The following ZNF678 variants were observed in gnomAD, a reference collection of about 807,000 sequenced individuals.
ZNF678 encodes zinc finger protein 678, also known as hypothetical protein MGC42493.
ZNF678 carries 5 observed loss-of-function variants against 3.0 expected under a neutral mutation model. That is an observed-to-expected ratio of 1.69 (90% CI 0.88 to 3.56). The LOEUF is 3.56. Ranked by LOEUF, ZNF678 falls within the 30% of genes most tolerant of loss-of-function variation. The pLI is 0.00. For missense variants in ZNF678, 593 were observed against 605.0 expected (o/e 0.98, Z 0.21); for synonymous variants, 218 against 199.6 (o/e 1.09, Z -0.78).
rs964114365 is a variant in ZNF678 at position 227,564,846 on chromosome 1, C to G, written c.-164+1122C>G. 1.2e-4 allele frequency among the ~76,000 whole-genome samples: 18 copies of G among 152,076 alleles called. No homozygotes were observed. The East Asian group carries it at 3.1e-3, about 26-fold the overall frequency. ...TCCCGGGTTCAAGCGATTCTCCTGC[C>G]TCAGCCTCCTGAGTAGCTGGGATTA... On this transcript the variant is annotated intron_variant, in intron 1 of 3. Transcript: ENST00000343776.
Position 227,654,827 on chromosome 1 carries a change from T to G in ZNF678, c.577T>G (p.Trp193Gly), listed in dbSNP as rs774006168. 9 of 1,608,662 alleles carry G rather than the reference T, an allele frequency of 5.6e-6. No homozygotes were observed. The highest frequency in any genetic ancestry group is 7.6e-6 in the Non-Finnish European group (9 of 1,179,010). The change falls in exon 4 of 4, where the codon TGG becomes GGG. Residue 193 changes from tryptophan (W) to glycine (G), a missense_variant. Physicochemically the swap from Trp to Gly is radical, Grantham distance 184. Transcript: ENST00000343776. ...CDECDKVFNW[W>G]SQLTSHKKIH... ...TGAATGTGACAAAGTTTTTAATTGG[T>G]GGTCACAACTAACTAGCCATAAGAA...
intron 1 of ZNF678, among the ~76,000 whole-genome samples, chr1:227,601,627 C>T (rs761914428): frequency 6.6e-6 from 1 of 151,922 alleles, no homozygotes; most frequent in African/African-American, 2.4e-5. Context: ...TGCAGTGGTG[C>T]AATCTTGGCT....
intron 5 of ZNF678, among the ~76,000 whole-genome samples, chr1:227,673,645 A>T (rs1394156516): frequency 6.6e-6 from 1 of 152,186 alleles, no homozygotes; most frequent in Non-Finnish European, 1.5e-5. Flanking sequence ...TGTCTCTCTA[A>T]AACTATTCCT....
rs1403586717 is a variant in ZNF678 at position 227,659,503 on chromosome 1, A to T, written c.*3675A>T. The T allele has an allele frequency of 6.6e-6, 1 of 151,956 alleles. No individual in the cohort carries two copies. Among genetic ancestry groups the T allele is most frequent in the Non-Finnish European group, 1.5e-5 (1 of 68,038 alleles). 9.4% of individuals were successfully genotyped at this position (151,956 alleles called of 1,614,324 possible). A position where few individuals can be genotyped will look rare whatever the true frequency, so the allele number is the denominator to read the frequency against. On this transcript the variant is annotated 3_prime_UTR_variant, in exon 4 of 4. Coordinates refer to ENST00000343776, the MANE Select transcript of ZNF678 (RefSeq NM_001367909.1). ...GATCAGCATCAGCACCAGAAACTCCAGGTGTCCCAAACTTAAAGTGAAAGC... is the reference window on the plus strand; with the variant it reads ...GATCAGCATCAGCACCAGAAACTCCTGGTGTCCCAAACTTAAAGTGAAAGC...
At chr1:227,570,533 T>G (rs1423457402) in intron 1 of ZNF678, among the ~76,000 whole-genome samples, 1 of 152,214 alleles carries the variant, frequency 6.6e-6, no homozygotes, top group Non-Finnish European at 1.5e-5. Flanking sequence ...CAAAGCTCAC[T>G]ATACTGTCCA....
rs1659268224 is a variant in ZNF678 at position 227,657,037 on chromosome 1, T to G, written c.*1209T>G. On this transcript the variant is annotated 3_prime_UTR_variant, in exon 4 of 4. Coordinates refer to ENST00000343776, the MANE Select transcript of ZNF678 (RefSeq NM_001367909.1). ...TTTTATGTGATATGCTTTGGTTTTT[T>G]TGTGCCTTACCTCATGTTGAAATGT... 1 of 151,844 alleles carries G rather than the reference T, an allele frequency of 6.6e-6. No homozygotes were observed. Among genetic ancestry groups the G allele is most frequent in the Non-Finnish European group, 1.5e-5 (1 of 67,854 alleles). The allele number at this position is 151,844 out of a possible 1,614,324, so 9.4% of individuals were successfully genotyped here.
chr1:227,580,116 A>G (rs1344039825), intron 1 of ZNF678, among the ~76,000 whole-genome samples: 1 of 152,104 alleles, frequency 6.6e-6, no homozygotes, highest in Admixed American at 6.5e-5. Context: ...TCCTGGAGCT[A>G]TTGTGGTCCA....
At chr1:227,665,833 G>A (rs557022365), downstream of ZNF678, among the ~76,000 whole-genome samples, 4 of 152,152 alleles carry the variant, frequency 2.6e-5, no homozygotes, top group South Asian at 2.1e-4. Context: ...CCAGGGTCCC[G>A]TTATCCTCTA....
At chr1:227,588,205 A>T (rs376515674) in intron 1 of ZNF678, among the ~76,000 whole-genome samples, 155 of 152,258 alleles carry the variant, frequency 1.0e-3, no homozygotes, top group African/African-American at 3.6e-3. Context: ...GTGTGCATGT[A>T]CTATATTTTC....
intron 5 of ZNF678, among the ~76,000 whole-genome samples, chr1:227,676,676 C>G (rs7554130): frequency 7.2e-6 from 1 of 139,716 alleles, no homozygotes; most frequent in African/African-American, 2.6e-5. Context: ...TCCCCCCTCC[C>G]CCTCCCCACA....
intron 1 of ZNF678, among the ~76,000 whole-genome samples, chr1:227,570,755 T>G (rs2102715223): frequency 6.6e-6 from 1 of 152,330 alleles, no homozygotes; most frequent in Admixed American, 6.5e-5. Flanking sequence ...CTCCATACAT[T>G]TCTGCCTTAT....
At chr1:227,671,038 C>T in intron 5 of ZNF678, among the ~76,000 whole-genome samples, 1 of 149,348 alleles carries the variant, frequency 6.7e-6, no homozygotes, top group East Asian at 2.0e-4. Context: ...TGGGAGGCTC[C>T]ATTTGTTAGG....
rs1659191837 is a variant in ZNF678, at chr1:227,655,012, A to G, written c.762A>G (p.Gln254=). 2 of 1,612,038 alleles carry G rather than the reference A, an allele frequency of 1.2e-6. No homozygotes were observed. The highest frequency in any genetic ancestry group is 1.1e-5 in the South Asian group (1 of 90,978). The change falls in exon 4 of 4, where the codon CAA becomes CAG. Residue 254 remains glutamine, a synonymous_variant. Transcript: ENST00000343776. The stretch of plus-strand genomic sequence containing the variant: ...TTAACAAGTTCTCAAACCTTACTCA[A>G]CATAAGAGAATTCATACTGGAGAGA... ...KAFNKFSNLT[Q]HKRIHTGEKP...
chr1:227,570,499 A>G (rs1012167975), intron 1 of ZNF678, among the ~76,000 whole-genome samples: 2 of 152,164 alleles, frequency 1.3e-5, no homozygotes, highest in Non-Finnish European at 2.9e-5. Context: ...GGGTTTTAGC[A>G]CAGTTTCCTA....
chr1:227,571,766 G>A (rs1039400147), intron 1 of ZNF678, among the ~76,000 whole-genome samples: 1 of 152,034 alleles, frequency 6.6e-6, no homozygotes, highest in African/African-American at 2.4e-5. Context: ...CAAAAAGCCG[G>A]GCGCGGTGGC....
chr1:227,678,343 AT>A (rs1659717409), downstream of ZNF678, among the ~76,000 whole-genome samples: 1 of 152,224 alleles, frequency 6.6e-6, no homozygotes, highest in African/African-American at 2.4e-5. Flanking sequence ...ACAAGGATGC[AT>A]GCGGAAGTAA....
At chr1:227,599,121 TTA>T (rs1257712896) in intron 1 of ZNF678, 9 of 1,541,490 alleles carry the variant, frequency 5.8e-6, no homozygotes, top group Non-Finnish European at 7.2e-6. Flanking sequence ...GCTATTGGGT[TTA>T]TATAGGCCAG....
intron 1 of ZNF678, among the ~76,000 whole-genome samples, chr1:227,586,795 G>GTGTT (rs1172279207): frequency 1.3e-5 from 2 of 152,186 alleles, no homozygotes; most frequent in African/African-American, 4.8e-5. Context: ...CAGGCATCAT[G>GTGTT]TGTTTGGTCA....
rs1214712650 is a variant in ZNF678 at position 227,655,403 on chromosome 1, G to A, written c.1153G>A (p.Ala385Thr). 4 of 1,612,512 alleles carry A rather than the reference G, an allele frequency of 2.5e-6. No individual in the cohort carries two copies. The highest frequency in any genetic ancestry group is 2.5e-6 in the Non-Finnish European group (3 of 1,179,280). Residue 385 changes from alanine (A) to threonine (T), a missense_variant, in exon 4 of 4, where the codon GCG becomes ACG. Physicochemically the swap from Ala to Thr is moderately conservative, Grantham distance 58. Coordinates refer to ENST00000343776, the MANE Select transcript of ZNF678 (RefSeq NM_001367909.1). ...CTACAAATGCAAAGAATGTGGCAAAGCGTTTAACAAGTTCTCAAGCCTTAC... is the reference window on the plus strand; with the variant it reads ...CTACAAATGCAAAGAATGTGGCAAAACGTTTAACAAGTTCTCAAGCCTTAC... ...KPYKCKECGK[A>T]FNKFSSLTQH...
Sources: allele counts gnomAD v4.1 joint callset (sites outside exome capture counted in the v4.1 genomes callset), GRCh38; gene constraint gnomAD v4.1.1; transcripts MANE v1.5; gene names NCBI Gene and HGNC (gene_info 2026-07-23, HGNC 2026-07-21).